GABBR2: variants seen among roughly 807,000 people sequenced by gnomAD.
GABBR2 encodes the protein gamma-aminobutyric acid type B receptor subunit 2, also known as G-protein coupled receptor 51.
GABBR2 carries 23 observed loss-of-function variants against 105.6 expected under a neutral mutation model. That is an observed-to-expected ratio of 0.22 (90% CI 0.16 to 0.31). The LOEUF (loss-of-function observed/expected upper bound fraction) is 0.31, where lower values mean the gene tolerates loss of function less well. GABBR2 is among the 10% of genes least tolerant of loss of function. The pLI, the probability that GABBR2 is intolerant of heterozygous loss-of-function variation, is 1.00. For missense variants in GABBR2, 734 were observed against 1,245.5 expected (o/e 0.59, Z 6.18); for synonymous variants, 478 against 499.7 (o/e 0.96, Z 0.58).
chr9:98,534,117 TA>T (rs1828122404), intron 3 of GABBR2, among the ~76,000 whole-genome samples: 1 of 151,716 alleles, frequency 6.6e-6, no homozygotes, highest in Non-Finnish European at 1.5e-5. Flanking sequence ...TAGCAAGGGG[TA>T]AAGGTTTCAA....
intron 13 of GABBR2, among the ~76,000 whole-genome samples, chr9:98,322,170 G>C (rs1453055283): frequency 6.6e-6 from 1 of 151,752 alleles, no homozygotes; most frequent in African/African-American, 2.4e-5. Context: ...GGGCACCAGG[G>C]GCACCCTCTA....
At chr9:98,307,062 T>G (rs913615529) in intron 14 of GABBR2, among the ~76,000 whole-genome samples, 1 of 152,148 alleles carries the variant, frequency 6.6e-6, no homozygotes, top group African/African-American at 2.4e-5. Context: ...GTGGAACCTG[T>G]GTAATGATGA....
At position 98,371,515 on chromosome 9, in the gene GABBR2, T is replaced by C; in HGVS notation, c.1719A>G (p.Ala573=). 2 of 1,612,768 alleles carry C rather than the reference T, an allele frequency of 1.2e-6. No individual in the cohort carries two copies. The highest frequency in any genetic ancestry group is 1.7e-6 in the Non-Finnish European group (2 of 1,178,766). The change falls in exon 12 of 19, where the codon GCA becomes GCG. Residue 573 remains alanine (A), a synonymous_variant. Transcript: ENST00000259455. The part of the protein sequence containing the change: ...GYTTAFGAMF[A]KTWRVHAIFK... Reference sequence around the variant, plus strand: ...AGATGGCGTGGACTCTCCAGGTCTTTGCAAACATGGCCCCAAAAGCGGTCG... The same window carrying C: ...AGATGGCGTGGACTCTCCAGGTCTTCGCAAACATGGCCCCAAAAGCGGTCG...
At chr9:98,391,751 C>T (rs943230994) in intron 9 of GABBR2, among the ~76,000 whole-genome samples, 6 of 152,200 alleles carry the variant, frequency 3.9e-5, no homozygotes, top group African/African-American at 1.4e-4. Flanking sequence ...GACAGAGAAG[C>T]GAGGAGGGGT....
intron 1 of GABBR2, among the ~76,000 whole-genome samples, chr9:98,636,251 A>G (rs1829874602): frequency 6.6e-6 from 1 of 152,110 alleles, no homozygotes. Context: ...ATTTTCAAAA[A>G]ATTACCTCTG....
chr9:98,453,749 CTAT>C (rs1371773594), intron 7 of GABBR2, among the ~76,000 whole-genome samples: 1 of 152,182 alleles, frequency 6.6e-6, no homozygotes, highest in African/African-American at 2.4e-5. Flanking sequence ...GTACCTGGCT[CTAT>C]GCCCTTTCTT....
chr9:98,686,967 C>T (rs887546545), intron 1 of GABBR2, among the ~76,000 whole-genome samples: 1 of 151,984 alleles, frequency 6.6e-6, no homozygotes, highest in Non-Finnish European at 1.5e-5. Flanking sequence ...TGCTTCTAAA[C>T]AAACAAGACA....
chr9:98,416,512 G>A (rs1050174331), intron 7 of GABBR2, among the ~76,000 whole-genome samples: 1 of 152,208 alleles, frequency 6.6e-6, no homozygotes, highest in Non-Finnish European at 1.5e-5. Context: ...GAGGCTCTGA[G>A]GTAGAGTGGA....
chr9:98,392,001 G>A (rs773689310), intron 9 of GABBR2, among the ~76,000 whole-genome samples: 2 of 152,082 alleles, frequency 1.3e-5, no homozygotes, highest in Non-Finnish European at 2.9e-5. Flanking sequence ...CAGGCCAGGT[G>A]TGGATAGAAG....
In GABBR2 at chr9:98,311,027, G is replaced by T. The variant is rs207470394; in HGVS notation, c.2004+68C>A. ...TCTGTTTATTTTTACATTGATGGAGGCCCCTGGGAGACAGAGGCCCAACAA... is the reference window on the plus strand; with the variant it reads ...TCTGTTTATTTTTACATTGATGGAGTCCCCTGGGAGACAGAGGCCCAACAA... On this transcript the variant is annotated intron_variant, in intron 14 of 18. Coordinates refer to ENST00000259455, the MANE Select transcript of GABBR2 (RefSeq NM_005458.8). The T allele has an allele frequency of 2.9e-5, 24 of 825,548 alleles. No homozygotes were observed. The South Asian group carries it at 3.5e-4, about 12-fold the overall frequency. 51.1% of individuals were successfully genotyped at this position (825,548 alleles called of 1,614,324 possible).
At chr9:98,562,096 C>T (rs1828680938) in intron 2 of GABBR2, among the ~76,000 whole-genome samples, 2 of 152,016 alleles carry the variant, frequency 1.3e-5, no homozygotes, top group East Asian at 3.9e-4. Context: ...ACCACCTTAA[C>T]CAAGTGATCA....
At chr9:98,674,306 A>G (rs555846624) in intron 1 of GABBR2, among the ~76,000 whole-genome samples, 9 of 152,302 alleles carry the variant, frequency 5.9e-5, no homozygotes, top group African/African-American at 2.2e-4. Flanking sequence ...CAGTGGTGTC[A>G]TCAACATTAC....
intron 3 of GABBR2, among the ~76,000 whole-genome samples, chr9:98,533,843 A>G (rs1040791507): frequency 6.6e-6 from 1 of 152,186 alleles, no homozygotes; most frequent in African/African-American, 2.4e-5. Context: ...AAAGGGGCAA[A>G]GGAAGAAGTG....
At chr9:98,509,829 A>G (rs1402097827) in intron 3 of GABBR2, among the ~76,000 whole-genome samples, 1 of 152,248 alleles carries the variant, frequency 6.6e-6, no homozygotes, top group Non-Finnish European at 1.5e-5. Context: ...GAATGGAACC[A>G]AGTTGGAAAA....
At chr9:98,667,290 A>T (rs1459217639) in intron 1 of GABBR2, among the ~76,000 whole-genome samples, 1 of 152,158 alleles carries the variant, frequency 6.6e-6, no homozygotes, top group Non-Finnish European at 1.5e-5. Flanking sequence ...TAGGGAAGAC[A>T]TGCCAGAGGG....
chr9:98,499,596 A>C (rs1246167894), intron 3 of GABBR2, among the ~76,000 whole-genome samples: 2 of 152,274 alleles, frequency 1.3e-5, no homozygotes, highest in Non-Finnish European at 2.9e-5. Flanking sequence ...AAGTGACAAA[A>C]GCATGGAAAA....
intron 17 of GABBR2, 131 bp downstream of exon 17, chr9:98,299,093 C>T: frequency 1.3e-6 from 1 of 781,354 alleles, no homozygotes. Context: ...TGCTCCAGCT[C>T]TGTGTGTGTG....
chr9:98,480,820 C>G, intron 5 of GABBR2, 112 bp downstream of exon 5: 2 of 727,716 alleles, frequency 2.7e-6, no homozygotes, highest in Non-Finnish European at 5.1e-6. Flanking sequence ...TTCCAGGAAC[C>G]CAGGCTCCAG....
intron 7 of GABBR2, among the ~76,000 whole-genome samples, chr9:98,433,588 T>C (rs928949511): frequency 9.9e-5 from 15 of 152,180 alleles, no homozygotes; most frequent in Admixed American, 7.9e-4. Context: ...GCTTGGGGCA[T>C]TGAGGAGAAA....
Sources: gnomAD v4.1 joint callset for allele counts (sites outside exome capture counted in the v4.1 genomes callset) on GRCh38, gnomAD v4.1.1 for gene constraint, MANE v1.5 for transcripts, NCBI Gene and HGNC (gene_info 2026-07-23, HGNC 2026-07-21) for gene names.